Variants in NEGR1 observed in about 807,000 individuals in gnomAD.
The protein encoded by NEGR1 is IgLON family member 4.
In NEGR1, 10 loss-of-function variants were observed where a neutral mutation model predicts 40.9. The observed-to-expected ratio is 0.24, with a 90% CI of 0.15 to 0.42. The LOEUF is 0.42. Ranked by LOEUF, NEGR1 falls within the 10% of genes least tolerant of loss-of-function variation. The pLI is 1.00. For missense variants in NEGR1, 352 were observed against 438.9 expected, an observed-to-expected ratio of 0.80 and a Z score of 1.77; for synonymous variants, 185 against 166.8, an observed-to-expected ratio of 1.11 and a Z score of -0.84.
intron 1 of NEGR1, among the ~76,000 whole-genome samples, chr1:72,004,569 C>T (rs542144759): frequency 3.2e-4 from 48 of 152,286 alleles, no homozygotes; most frequent in African/African-American, 1.1e-3. Flanking sequence ...TAGGCATGAA[C>T]AACTGTACCT....
At chr1:72,272,167 C>T (rs1655868643) in intron 1 of NEGR1, among the ~76,000 whole-genome samples, 1 of 151,702 alleles carries the variant, frequency 6.6e-6, no homozygotes, top group African/African-American at 2.4e-5. Context: ...TCTATGTCAT[C>T]CCAAGTGATC....
At chr1:71,811,930 A>T (rs755158776) in intron 2 of NEGR1, among the ~76,000 whole-genome samples, 1 of 146,960 alleles carries the variant, frequency 6.8e-6, no homozygotes, top group African/African-American at 2.7e-5. Flanking sequence ...ATACAGGTGC[A>T]TGGCATGCAG....
intron 4 of NEGR1, among the ~76,000 whole-genome samples, chr1:71,688,969 G>A (rs976698302): frequency 6.6e-6 from 1 of 152,032 alleles, no homozygotes; most frequent in East Asian, 1.9e-4. Flanking sequence ...GTTTATAAGT[G>A]ACTGAGCTAA....
intron 1 of NEGR1, among the ~76,000 whole-genome samples, chr1:71,937,722 T>G (rs1356334344): frequency 6.6e-6 from 1 of 152,178 alleles, no homozygotes; most frequent in Non-Finnish European, 1.5e-5. Context: ...TTGCAGAAAT[T>G]ACTGCAAGTA....
chr1:71,800,361 A>T (rs1657511357), intron 2 of NEGR1, among the ~76,000 whole-genome samples: 1 of 151,962 alleles, frequency 6.6e-6, no homozygotes, highest in Admixed American at 6.6e-5. Context: ...ATTAGCTCCC[A>T]TTTGTCAATT....
chr1:72,114,453 AGATAG>A (rs1649505501), intron 1 of NEGR1, among the ~76,000 whole-genome samples: 2 of 151,750 alleles, frequency 1.3e-5, no homozygotes, highest in South Asian at 4.1e-4. Context: ...CTCATTTGAT[AGATAG>A]GATAGATGAT....
chr1:71,792,476 C>A (rs1657153172), intron 2 of NEGR1, among the ~76,000 whole-genome samples: 1 of 152,162 alleles, frequency 6.6e-6, no homozygotes, highest in African/African-American at 2.4e-5. Flanking sequence ...TTCCACACTT[C>A]CTCTTTTTTT....
intron 3 of NEGR1, among the ~76,000 whole-genome samples, chr1:71,730,569 T>TTATATATATATATATATATATA (rs56382019): frequency 6.9e-4 from 93 of 134,680 alleles, no homozygotes; most frequent in African/African-American, 1.6e-3. Context: ...TAGTATAAAT[T>TTATATATATATATATATATATA]TATATATATA....
intron 1 of NEGR1, among the ~76,000 whole-genome samples, chr1:72,045,822 T>A (rs1646996668): frequency 1.4e-5 from 2 of 139,804 alleles, no homozygotes; most frequent in African/African-American, 5.0e-5. Context: ...TAGGAAAAAT[T>A]AGAAAAAAAT....
chr1:71,799,879 ATT>A (rs1373227631), intron 2 of NEGR1, among the ~76,000 whole-genome samples: 2 of 151,922 alleles, frequency 1.3e-5, no homozygotes, highest in Non-Finnish European at 2.9e-5. Context: ...TGCCTGGCTA[ATT>A]TTTTGTATTT....
rs547346957 is a variant in NEGR1, at chr1:71,543,618, GT to G, written c.940+49198del. Among the ~76,000 whole-genome samples the G allele has an allele frequency of 2.4e-4, 36 of 151,818 alleles. 1 individual carries two copies. Among genetic ancestry groups the G allele is most frequent in the Admixed American group, 2.0e-3 (31 of 15,216 alleles). The stretch of plus-strand genomic sequence containing the variant: ...GTGTGTCCTAATTGCACAATTCACT[GT>G]ACATACATAAAAGAAATATGTGATT... On this transcript the variant is annotated intron_variant, in intron 6 of 6. Coordinates refer to ENST00000357731, the MANE Select transcript of NEGR1 (RefSeq NM_173808.3).
intron 1 of NEGR1, among the ~76,000 whole-genome samples, chr1:71,989,844 A>G (rs1646434460): frequency 1.3e-5 from 2 of 152,176 alleles, no homozygotes; most frequent in Admixed American, 6.5e-5. Context: ...CTCCTTGCCT[A>G]GATTTTCTCA....
chr1:71,795,092 T>G (rs1657272978), intron 2 of NEGR1, among the ~76,000 whole-genome samples: 1 of 151,978 alleles, frequency 6.6e-6, no homozygotes, highest in South Asian at 2.1e-4. Context: ...AATACCAAGT[T>G]GATGAGAAAA....
chr1:72,109,610 TTGC>T (rs1649276867), intron 1 of NEGR1, among the ~76,000 whole-genome samples: 1 of 151,642 alleles, frequency 6.6e-6, no homozygotes, highest in Non-Finnish European at 1.5e-5. Flanking sequence ...ATCTTTCTAT[TTGC>T]TTCAGAAATT....
Position 71,559,111 on chromosome 1 carries a change from C to A in NEGR1, c.940+33706G>T, listed in dbSNP as rs1220276955. ...TCAACATGACTTCATATTCATATCT[C>A]CAACTCCAGTCAAACACCTTTATGG... is the stretch of plus-strand genomic sequence containing the variant. On this transcript the variant is annotated intron_variant, in intron 6 of 6. Transcript: ENST00000357731. Among the ~76,000 whole-genome samples the A allele has an allele frequency of 2.0e-5, 3 of 149,060 alleles. No individual in the cohort carries two copies. In the East Asian group the frequency reaches 5.9e-4, roughly 29 times the overall value.
At chr1:71,597,138 A>G (rs1649738198) in intron 5 of NEGR1, among the ~76,000 whole-genome samples, 1 of 152,160 alleles carries the variant, frequency 6.6e-6, no homozygotes, top group African/African-American at 2.4e-5. Context: ...ATACAGCTCA[A>G]ATTAAAACAA....
chr1:72,074,598 T>G (rs907136791), intron 1 of NEGR1, among the ~76,000 whole-genome samples: 2 of 152,112 alleles, frequency 1.3e-5, no homozygotes, highest in Non-Finnish European at 2.9e-5. Flanking sequence ...AAGTGAAAGT[T>G]ATGAATTTGA....
intron 1 of NEGR1, among the ~76,000 whole-genome samples, chr1:72,119,260 A>G (rs1053568105): frequency 2.0e-5 from 3 of 152,086 alleles, no homozygotes; most frequent in Non-Finnish European, 4.4e-5. Context: ...TGATGATAAG[A>G]GAAGTTAAGG....
chr1:71,731,578 A>G (rs1654868772), intron 3 of NEGR1, among the ~76,000 whole-genome samples: 1 of 152,364 alleles, frequency 6.6e-6, no homozygotes, highest in African/African-American at 2.4e-5. Context: ...TTCAACATAA[A>G]GACAAGATTT....
Sources: gnomAD v4.1 joint callset for allele counts (sites outside exome capture counted in the v4.1 genomes callset) on GRCh38, gnomAD v4.1.1 for gene constraint, MANE v1.5 for transcripts, NCBI Gene and HGNC (gene_info 2026-07-23, HGNC 2026-07-21) for gene names.